Variants in RMST observed in about 807,000 individuals in gnomAD.
The protein encoded by RMST is rhabdomyosarcoma 2 associated transcript.
chr12:97,514,662 A>G (rs1361396685), intron 10 of RMST, among the ~76,000 whole-genome samples: 1 of 148,086 alleles, frequency 6.8e-6, no homozygotes, highest in Non-Finnish European at 1.5e-5. Flanking sequence ...CTTGGAAAGT[A>G]TATTGTTTTT....
intron 11 of RMST, among the ~76,000 whole-genome samples, chr12:97,545,367 G>C (rs991389485): frequency 6.6e-6 from 1 of 152,002 alleles, no homozygotes; most frequent in Non-Finnish European, 1.5e-5. Flanking sequence ...GAGCTGGTGA[G>C]GGACAGATCT....
chr12:97,556,818 T>G (rs1414653285), intron 11 of RMST, among the ~76,000 whole-genome samples: 1 of 152,196 alleles, frequency 6.6e-6, no homozygotes, highest in Non-Finnish European at 1.5e-5. Context: ...TCAAGTTTGA[T>G]CGTCATAAGA....
chr12:97,478,972 C>T (rs538458241), intron 5 of RMST, among the ~76,000 whole-genome samples: 3 of 152,066 alleles, frequency 2.0e-5, no homozygotes, highest in East Asian at 1.9e-4. Context: ...ACCAGTGCTC[C>T]GTGGCTCAAG....
At chr12:97,463,277 G>C (rs574705282) in exon 4 of RMST, 1 of 152,242 alleles carries the variant, frequency 6.6e-6, no homozygotes, top group African/African-American at 2.4e-5. Context: ...ACTGTCCTTC[G>C]GACAAGTTTT....
chr12:97,470,120 C>A (rs1454874182), intron 5 of RMST, among the ~76,000 whole-genome samples: 1 of 152,102 alleles, frequency 6.6e-6, no homozygotes, highest in African/African-American at 2.4e-5. Context: ...TGGGTCAAAG[C>A]CGTTGGCTCC....
chr12:97,498,097 G>A (rs1168768553), intron 10 of RMST, among the ~76,000 whole-genome samples: 2 of 152,108 alleles, frequency 1.3e-5, no homozygotes, highest in Admixed American at 6.6e-5. Flanking sequence ...GTCTAGGGGT[G>A]TTTCCCCAAG....
intron 11 of RMST, among the ~76,000 whole-genome samples, chr12:97,558,680 C>A (rs1250795152): frequency 3.3e-5 from 5 of 152,044 alleles, no homozygotes; most frequent in Non-Finnish European, 5.9e-5. Context: ...GATGTTAGCT[C>A]AATGGAGATA....
At chr12:97,555,692 ACTGT>A (rs1592800793) in intron 11 of RMST, among the ~76,000 whole-genome samples, 1 of 152,326 alleles carries the variant, frequency 6.6e-6, no homozygotes, top group South Asian at 2.1e-4. Flanking sequence ...TGCCTCCCAG[ACTGT>A]CTGTCTGTCT....
In RMST at chr12:97,487,190, GAATT is replaced by G. The variant is rs1459907759; in HGVS notation, n.645-5266_645-5263del. On this transcript the variant is annotated intron_variant and non_coding_transcript_variant, in intron 5 of 13. Transcript: ENST00000640149. ...GTCTCATTAAAATTTATGATCATCA[GAATT>G]AATTCACATTCATTTCTTTAAGAAC... Among the ~76,000 whole-genome samples the G allele has an allele frequency of 2.6e-5, 4 of 152,136 alleles. No individual in the cohort carries two copies. In the East Asian group the frequency reaches 7.7e-4, roughly 29 times the overall value.
intron 11 of RMST, among the ~76,000 whole-genome samples, chr12:97,552,924 G>C (rs1226718572): frequency 6.6e-6 from 1 of 152,170 alleles, no homozygotes; most frequent in African/African-American, 2.4e-5. Flanking sequence ...CCAGACAGAA[G>C]GGGGTAAGAG....
chr12:97,463,231 G>A (rs189290412), exon 4 of RMST: 16 of 152,266 alleles, frequency 1.1e-4, no homozygotes, highest in African/African-American at 3.1e-4. Flanking sequence ...TTCCGCGATG[G>A]CGAGAGGGGG....
chr12:97,463,874 TG>T (rs1416556700), intron 4 of RMST, among the ~76,000 whole-genome samples: 1 of 152,000 alleles, frequency 6.6e-6, no homozygotes, highest in Non-Finnish European at 1.5e-5. Flanking sequence ...GGAAATTAGT[TG>T]GTTTTTTTTA....
chr12:97,486,100 T>C (rs1876067527), intron 5 of RMST, among the ~76,000 whole-genome samples: 1 of 152,214 alleles, frequency 6.6e-6, no homozygotes, highest in Admixed American at 6.5e-5. Context: ...TTTGTAATAG[T>C]CTTTTACCAT....
At chr12:97,518,741 T>C (rs1880194165) in intron 10 of RMST, among the ~76,000 whole-genome samples, 1 of 152,182 alleles carries the variant, frequency 6.6e-6, no homozygotes, top group South Asian at 2.1e-4. Flanking sequence ...CTTCTGTCTT[T>C]ACCTTATCAA....
At chr12:97,495,434 A>T (rs1877301276) in intron 9 of RMST, among the ~76,000 whole-genome samples, 1 of 152,158 alleles carries the variant, frequency 6.6e-6, no homozygotes, top group Non-Finnish European at 1.5e-5. Context: ...ACATAAGTAA[A>T]ATTCCAGGTA....
chr12:97,550,713 C>T (rs561779733), intron 11 of RMST, among the ~76,000 whole-genome samples: 4 of 152,246 alleles, frequency 2.6e-5, no homozygotes, highest in South Asian at 2.1e-4. Context: ...TTTGCAATCC[C>T]GTGCCACTAT....
At chr12:97,486,800 C>A (rs573820468) in intron 5 of RMST, among the ~76,000 whole-genome samples, 2 of 152,048 alleles carry the variant, frequency 1.3e-5, no homozygotes, top group Non-Finnish European at 2.9e-5. Context: ...ATTTAATAAA[C>A]GAACAGAGAA....
chr12:97,462,904 A>G (rs1408246461), intron 3 of RMST: 4 of 152,164 alleles, frequency 2.6e-5, no homozygotes, highest in Non-Finnish European at 4.4e-5. Flanking sequence ...CCCACTTTTC[A>G]GTGGAGGAGA....
intron 10 of RMST, among the ~76,000 whole-genome samples, chr12:97,513,503 C>T (rs1453303198): frequency 6.6e-6 from 1 of 152,102 alleles, no homozygotes; most frequent in Non-Finnish European, 1.5e-5. Context: ...GAGGGAGAGT[C>T]AACAAAACAG....
Sources: allele counts gnomAD v4.1 joint callset (sites outside exome capture counted in the v4.1 genomes callset), GRCh38; gene constraint gnomAD v4.1.1; transcripts MANE v1.5; gene names NCBI Gene and HGNC (gene_info 2026-07-23, HGNC 2026-07-21).